Variants in DLGAP1 observed in about 807,000 individuals in gnomAD.
DLGAP1 encodes disks large-associated protein 1.
DLGAP1 carries 11 observed loss-of-function variants against 90.8 expected under a neutral mutation model. That is an observed-to-expected ratio of 0.12 (90% CI 0.08 to 0.20). The LOEUF is 0.20. DLGAP1 is among the 10% of genes least tolerant of loss of function. DLGAP1 has a pLI of 1.00. For missense variants in DLGAP1, 1,050 were observed against 1,333.8 expected (o/e 0.79, Z 3.31); for synonymous variants, 558 against 540.7 (o/e 1.03, Z -0.44).
chr18:3,993,058 TA>T (rs1465697780), intron 3 of DLGAP1: 2 of 144,048 alleles, frequency 1.4e-5, no homozygotes, highest in Non-Finnish European at 3.0e-5. Context: ...GGCAGAAATG[TA>T]AAAAAGCCAT....
At chr18:4,324,509 T>C (rs2080771550) in intron 1 of DLGAP1, among the ~76,000 whole-genome samples, 1 of 151,796 alleles carries the variant, frequency 6.6e-6, no homozygotes, top group East Asian at 1.9e-4. Context: ...CCTCCCCAAC[T>C]CATCCTATCA....
intron 1 of DLGAP1, chr18:4,294,261 C>T (rs1390978627): frequency 1.3e-5 from 2 of 152,202 alleles, no homozygotes; most frequent in South Asian, 4.1e-4. Flanking sequence ...ATATTCCCAG[C>T]TAAATGCCTT....
At chr18:3,959,515 A>C (rs908756485) in intron 3 of DLGAP1, among the ~76,000 whole-genome samples, 1 of 152,016 alleles carries the variant, frequency 6.6e-6, no homozygotes, top group African/African-American at 2.4e-5. Context: ...AAAAATACAA[A>C]AAGTAGCCGG....
At chr18:4,095,496 T>G (rs2075662452) in intron 2 of DLGAP1, among the ~76,000 whole-genome samples, 1 of 152,154 alleles carries the variant, frequency 6.6e-6, no homozygotes, top group South Asian at 2.1e-4. Flanking sequence ...TCTAACCTTG[T>G]AGAGAATTCT....
At chr18:3,615,650 G>C (rs1320175885) in intron 7 of DLGAP1, among the ~76,000 whole-genome samples, 7 of 152,172 alleles carry the variant, frequency 4.6e-5, no homozygotes, top group Non-Finnish European at 1.0e-4. Context: ...GTCTGAAGCA[G>C]TGAGCCCTGG....
intron 1 of DLGAP1, among the ~76,000 whole-genome samples, chr18:4,397,135 G>A (rs1452124936): frequency 1.3e-5 from 2 of 152,142 alleles, no homozygotes; most frequent in African/African-American, 2.4e-5. Flanking sequence ...CTCCACCATA[G>A]GGTAGTTGGG....
rs1383844375 is a variant in DLGAP1 at position 3,741,829 on chromosome 18, A to C, written c.1350+506T>G. Among the ~76,000 whole-genome samples the C allele has an allele frequency of 2.1e-5, 3 of 146,298 alleles. No homozygotes were observed. In the East Asian group the frequency reaches 5.8e-4, roughly 28 times the overall value. ...TATCCCTTGCTTGTTTAAAAGCCGA[A>C]GTTTTCTTTTTCTTTTTCTTTTTTT... On this transcript the variant is annotated intron_variant, in intron 6 of 12. Transcript: ENST00000315677.
Position 3,499,157 on chromosome 18 carries a change from T to C in DLGAP1, c.*28A>G. ...GCCGGGGGAGGAGGGGACAGATGCT[T>C]GGCGGCGGCGGCCGGGCTGCGGGGC... is the stretch of plus-strand genomic sequence containing the variant. On this transcript the variant is annotated 3_prime_UTR_variant, in exon 13 of 13. Coordinates refer to ENST00000315677, the MANE Select transcript of DLGAP1 (RefSeq NM_004746.4). The surrounding 1 kb of genome is among the most constrained non-coding windows in gnomAD (Gnocchi z 6.4). 6.6e-7 allele frequency: 1 copy of C among 1,510,934 alleles called. No homozygotes were observed. Among genetic ancestry groups the C allele is most frequent in the Non-Finnish European group, 8.8e-7 (1 of 1,138,814 alleles). 93.6% of individuals were successfully genotyped at this position (1,510,934 alleles called of 1,614,324 possible).
intron 10 of DLGAP1, 42 bp downstream of exon 10, chr18:3,534,152 C>A (rs767689981): frequency 1.9e-5 from 30 of 1,579,460 alleles, no homozygotes; most frequent in Non-Finnish European, 2.3e-5. Flanking sequence ...AAAGCAACCC[C>A]AGCCCCAGGG....
chr18:4,075,707 G>A (rs759256499), intron 2 of DLGAP1, among the ~76,000 whole-genome samples: 16 of 151,970 alleles, frequency 1.1e-4, no homozygotes, highest in East Asian at 3.8e-4. Flanking sequence ...TATCTAGAGC[G>A]TAAGTATTAA....
chr18:3,882,578 C>A (rs1440723531), intron 3 of DLGAP1, among the ~76,000 whole-genome samples: 1 of 151,750 alleles, frequency 6.6e-6, no homozygotes, highest in Non-Finnish European at 1.5e-5. Flanking sequence ...CAAAGGATGG[C>A]CCTTGAAAAG....
intron 3 of DLGAP1, among the ~76,000 whole-genome samples, chr18:3,970,519 C>G (rs1005247189): frequency 7.9e-5 from 12 of 152,040 alleles, no homozygotes; most frequent in African/African-American, 2.9e-4. Context: ...CAAATTACAG[C>G]AAATATATAA....
intron 2 of DLGAP1, among the ~76,000 whole-genome samples, chr18:4,118,642 G>GGCTGGGGAGCTGGGGA (rs59612052): frequency 1.3e-4 from 20 of 150,324 alleles, no homozygotes; most frequent in Non-Finnish European, 1.9e-4. Flanking sequence ...TGTAGCCCCA[G>GGCTGGGGAGCTGGGGA]GCTGGGGAGC....
intron 7 of DLGAP1, among the ~76,000 whole-genome samples, chr18:3,592,235 A>G (rs2056286361): frequency 6.6e-6 from 1 of 152,236 alleles, no homozygotes; most frequent in Non-Finnish European, 1.5e-5. Flanking sequence ...ACTGATGAGG[A>G]CAAAATAACT....
At chr18:4,123,428 G>A (rs77774481) in intron 2 of DLGAP1, among the ~76,000 whole-genome samples, 27,120 of 152,064 alleles carry the variant, frequency 0.18, 2,495 homozygotes, top group Admixed American at 0.24. Flanking sequence ...AGAGGAGAGG[G>A]AGGGAGGAAG....
chr18:3,865,391 A>C (rs2070321110), intron 4 of DLGAP1, among the ~76,000 whole-genome samples: 1 of 152,192 alleles, frequency 6.6e-6, no homozygotes, highest in South Asian at 2.1e-4. Context: ...TGAGATATAC[A>C]TTTCCACTGA....
chr18:4,329,689 T>C (rs896349281), intron 1 of DLGAP1, among the ~76,000 whole-genome samples: 8 of 152,014 alleles, frequency 5.3e-5, no homozygotes, highest in Non-Finnish European at 1.0e-4. Context: ...TTTCAGTCTA[T>C]AGATTTTGAA....
chr18:3,795,067 G>A (rs1354879640), intron 5 of DLGAP1, among the ~76,000 whole-genome samples: 2 of 152,172 alleles, frequency 1.3e-5, no homozygotes, highest in Non-Finnish European at 2.9e-5. Context: ...TCCCTTGTGA[G>A]TTACTCACTT....
intron 2 of DLGAP1, among the ~76,000 whole-genome samples, chr18:4,027,781 T>C (rs1403947405): frequency 6.6e-6 from 1 of 152,086 alleles, no homozygotes; most frequent in African/African-American, 2.4e-5. Context: ...AAATGTAACA[T>C]AAAAAACACC....
Sources: allele counts gnomAD v4.1 joint callset (sites outside exome capture counted in the v4.1 genomes callset), GRCh38; gene constraint gnomAD v4.1.1; non-coding constraint Gnocchi (gnomAD v3.1); transcripts MANE v1.5; gene names NCBI Gene and HGNC (gene_info 2026-07-23, HGNC 2026-07-21).